The following DZANK1 variants were observed in gnomAD, a reference collection of about 807,000 sequenced individuals.
The protein encoded by DZANK1 is double zinc ribbon and ankyrin repeat-containing protein 1.
In DZANK1, 91 loss-of-function variants were observed where a neutral mutation model predicts 94.5. The ratio of observed to expected loss-of-function variants is 0.96; its 90% CI spans 0.81 to 1.15. The LOEUF (loss-of-function observed/expected upper bound fraction) is 1.15. DZANK1 is among the 50% of genes most tolerant of loss of function. The pLI is 0.00. For missense variants in DZANK1, 903 were observed against 916.4 expected (o/e 0.99, Z 0.19); for synonymous variants, 312 against 325.3 (o/e 0.96, Z 0.44).
Position 18,436,393 on chromosome 20 carries a change from G to A in DZANK1, c.748-2628C>T, listed in dbSNP as rs180855306. ...CGGGAGGCGGAGCTTGCAGTGAGCC[G>A]AGATCGTACCACTGCACTCCAGCCT... On this transcript the variant is annotated intron_variant, in intron 8 of 20. Coordinates refer to ENST00000262547, the Ensembl canonical transcript of DZANK1. Among the ~76,000 whole-genome samples the A allele has an allele frequency of 3.2e-3, 462 of 145,758 alleles. 2 individuals carry two copies. The highest frequency in any genetic ancestry group is 0.011 in the African/African-American group (431 of 39,468).
intron 2 of DZANK1, among the ~76,000 whole-genome samples, 180 bp from the exon 3 acceptor site, chr20:18,460,486 T>C (rs563521154): frequency 6.6e-6 from 1 of 152,306 alleles, no homozygotes; most frequent in Admixed American, 6.5e-5. Context: ...TCCCAGCACT[T>C]TGGGAGGCCG....
At chr20:18,452,725 C>G in intron 5 of DZANK1, 5 of 1,585,454 alleles carry the variant, frequency 3.2e-6, no homozygotes, top group Non-Finnish European at 4.3e-6. Context: ...TCAGTTCTTT[C>G]ACCTACCTGG....
At chr20:18,440,373 A>C (rs1161397928) in intron 8 of DZANK1, among the ~76,000 whole-genome samples, 1 of 152,168 alleles carries the variant, frequency 6.6e-6, no homozygotes, top group Admixed American at 6.6e-5. Flanking sequence ...TAACACATTA[A>C]ACCCAGAATC....
intron 1 of DZANK1, among the ~76,000 whole-genome samples, chr20:18,466,537 A>C (rs1263187964): frequency 6.6e-6 from 1 of 152,234 alleles, no homozygotes; most frequent in East Asian, 1.9e-4. Context: ...GTGTGGCTGG[A>C]CTTGAGACTT....
At chr20:18,390,239 G>T in intron 18 of DZANK1, 140 bp downstream of exon 18, 1 of 745,410 alleles carries the variant, frequency 1.3e-6, no homozygotes, top group Non-Finnish European at 2.3e-6. Flanking sequence ...CTTTTGACTA[G>T]CCATTCACTA....
intron 13 of DZANK1, among the ~76,000 whole-genome samples, chr20:18,407,036 T>C (rs6132054): frequency 0.37 from 56,002 of 152,134 alleles, 11,184 homozygotes; most frequent in Middle Eastern, 0.46. Context: ...TGCAATATAA[T>C]AGAACATCAA....
Position 18,402,337 on chromosome 20 carries a change from C to T in DZANK1, c.1433-3711G>A, listed in dbSNP as rs140934274. ...CTGAAGCTGGTGATCAGCAGCTTCC[C>T]GATGAGATCTCAGGAGTTGGACGAG... On this transcript the variant is annotated intron_variant, in intron 13 of 20. Transcript: ENST00000262547. Among the ~76,000 whole-genome samples the T allele has an allele frequency of 8.4e-3, 1,280 of 152,040 alleles. 18 individuals are homozygous for T. The highest frequency in any genetic ancestry group is 0.029 in the African/African-American group (1,190 of 41,466).
intron 19 of DZANK1, among the ~76,000 whole-genome samples, chr20:18,388,018 T>C (rs1195990673): frequency 2.6e-5 from 4 of 152,156 alleles, no homozygotes; most frequent in Non-Finnish European, 1.5e-5. Context: ...GGTCCAGCTA[T>C]GGGGCAGAGG....
rs2148675446 is a variant in DZANK1 at position 18,441,462 on chromosome 20, A to G, written c.747+1885T>C. ...TTCATATAAATAGTTATTAACTGGTATCCAGGGATTAACTACTAATGGGTA... is the reference window on the plus strand; with the variant it reads ...TTCATATAAATAGTTATTAACTGGTGTCCAGGGATTAACTACTAATGGGTA... On this transcript the variant is annotated intron_variant, in intron 8 of 20. Transcript: ENST00000262547. The surrounding 1 kb of genome is among the most constrained non-coding windows in gnomAD (Gnocchi z 4.1). 6.6e-6 allele frequency among the ~76,000 whole-genome samples: 1 copy of G among 152,374 alleles called. No homozygotes were observed. The highest frequency in any genetic ancestry group is 1.9e-4 in the East Asian group (1 of 5,188).
chr20:18,427,816 GTTT>G (rs2058109868), intron 9 of DZANK1, among the ~76,000 whole-genome samples: 1 of 152,152 alleles, frequency 6.6e-6, no homozygotes, highest in African/African-American at 2.4e-5. Flanking sequence ...TTGCTCTGTA[GTTT>G]TTACTTAGAA....
intron 5 of DZANK1, 84 bp downstream of exon 5, chr20:18,453,647 C>A (rs942435792): frequency 2.1e-6 from 2 of 959,676 alleles, no homozygotes; most frequent in African/African-American, 1.6e-5. Context: ...CTTCTCCAGA[C>A]AAGAAAACAT....
At chr20:18,411,576 C>T (rs1033767880) in intron 13 of DZANK1, among the ~76,000 whole-genome samples, 4 of 151,804 alleles carry the variant, frequency 2.6e-5, no homozygotes, top group African/African-American at 9.7e-5. Flanking sequence ...TCTTCATAAC[C>T]ACTTCAAAAA....
intron 20 of DZANK1, 91 bp from the exon 21 acceptor site, chr20:18,384,655 T>A (rs1019573510): frequency 3.7e-5 from 52 of 1,394,872 alleles, no homozygotes; most frequent in Non-Finnish European, 5.0e-5. Flanking sequence ...GAGGCCAGGC[T>A]GGGCCCCTCC....
At position 18,450,627 on chromosome 20, in the gene DZANK1, T is replaced by G. The variant is rs190009376; in HGVS notation, c.544-1558A>C. 7.2e-5 allele frequency among the ~76,000 whole-genome samples: 11 copies of G among 152,348 alleles called. No homozygotes were observed. The East Asian group carries it at 2.1e-3, about 29-fold the overall frequency. On this transcript the variant is annotated intron_variant, in intron 6 of 20. Transcript: ENST00000262547. ...CAACACTGAGCCTTCAGTCCCTGGGTGATTCTGATATGCAACTGGGTTTGG... is the reference window on the plus strand; with the variant it reads ...CAACACTGAGCCTTCAGTCCCTGGGGGATTCTGATATGCAACTGGGTTTGG...
chr20:18,460,305 G>T, exon 3 of DZANK1: 1 of 1,513,218 alleles, frequency 6.6e-7, no homozygotes, highest in Non-Finnish European at 8.9e-7. Context: ...CATCTGGAGT[G>T]TCTGAAAAAT....
chr20:18,384,388 A>G lies in DZANK1; in HGVS notation c.*11T>C, dbSNP rs766739222. On this transcript the variant is annotated 3_prime_UTR_variant, in exon 21 of 21. Transcript: ENST00000262547. ...CGTATTCTTAAATGAAGTCCCGTGG[A>G]GGCCTCAGGGCTAACAGTCATCCAG... 7 of 1,604,912 alleles carry G rather than the reference A, an allele frequency of 4.4e-6. No homozygotes were observed. In the South Asian group the frequency reaches 7.8e-5, roughly 18 times the overall value.
At chr20:18,450,610 A>G (rs1475156038) in intron 6 of DZANK1, among the ~76,000 whole-genome samples, 1 of 152,232 alleles carries the variant, frequency 6.6e-6, no homozygotes, top group East Asian at 1.9e-4. Flanking sequence ...AGCAACACTG[A>G]GCCTTCAGTC....
chr20:18,423,716 T>C (rs1015120121), intron 10 of DZANK1, among the ~76,000 whole-genome samples: 3 of 152,316 alleles, frequency 2.0e-5, no homozygotes, highest in East Asian at 1.9e-4. Flanking sequence ...AAATAAGTCA[T>C]AGGTCAAAGA....
intron 10 of DZANK1, among the ~76,000 whole-genome samples, chr20:18,426,305 C>G (rs1227763321): frequency 2.0e-5 from 3 of 152,162 alleles, no homozygotes; most frequent in African/African-American, 7.2e-5. Context: ...ATCCCCCAAC[C>G]AGGTCCGTGG....
Sources: allele counts gnomAD v4.1 joint callset (sites outside exome capture counted in the v4.1 genomes callset), GRCh38; gene constraint gnomAD v4.1.1; non-coding constraint Gnocchi (gnomAD v3.1); transcripts MANE v1.5; gene names NCBI Gene and HGNC (gene_info 2026-07-23, HGNC 2026-07-21).